Variants in DIMT1 observed in about 807,000 individuals in gnomAD.
The protein encoded by DIMT1 is DIM1 rRNA methyltransferase and ribosome maturation factor, also known as dimethyladenosine transferase.
Under a neutral mutation model 43.2 loss-of-function variants are expected in DIMT1, and 36 were observed. That is an observed-to-expected ratio of 0.83 (90% CI 0.64 to 1.10). DIMT1 has a LOEUF of 1.10. DIMT1 is among the 50% of genes least tolerant of loss of function. DIMT1 has a pLI of 0.00. For missense variants in DIMT1, 341 were observed against 385.3 expected (o/e 0.88, Z 0.96); for synonymous variants, 126 against 130.3 (o/e 0.97, Z 0.22).
chr5:62,399,333 A>T (rs1002596813), intron 3 of DIMT1, among the ~76,000 whole-genome samples: 1 of 152,082 alleles, frequency 6.6e-6, no homozygotes, highest in African/African-American at 2.4e-5. Flanking sequence ...GGGTACAGTG[A>T]TGGGCATCTG....
chr5:62,397,782 G>A (rs1561292014), intron 6 of DIMT1, among the ~76,000 whole-genome samples: 2 of 151,952 alleles, frequency 1.3e-5, no homozygotes, highest in Non-Finnish European at 2.9e-5. Flanking sequence ...CCGAGTGGCT[G>A]GGACTACAGG....
chr5:62,400,098 T>C (rs572151078), intron 3 of DIMT1, among the ~76,000 whole-genome samples: 3 of 152,294 alleles, frequency 2.0e-5, no homozygotes, highest in South Asian at 4.1e-4. Flanking sequence ...ACAATGCAAT[T>C]GCTCTTACTG....
At chr5:62,391,113 G>A in intron 10 of DIMT1, 131 bp from the exon 11 acceptor site, 1 of 654,644 alleles carries the variant, frequency 1.5e-6, no homozygotes, top group South Asian at 2.2e-5. Flanking sequence ...TGGAAAGCCT[G>A]ATTTTTACAT....
intron 11 of DIMT1, 33 bp downstream of exon 11, chr5:62,390,843 T>C (rs760056933): frequency 1.3e-6 from 2 of 1,563,996 alleles, no homozygotes; most frequent in Admixed American, 3.3e-5. Flanking sequence ...AGTAAAGAAA[T>C]GTAAACACTT....
intron 10 of DIMT1, chr5:62,391,850 A>C (rs1742315151): frequency 6.8e-7 from 1 of 1,474,234 alleles, no homozygotes; most frequent in African/African-American, 1.4e-5. Flanking sequence ...CAATTATTTT[A>C]AGTTGTGCAA....
chr5:62,391,042 CTTT>C, intron 10 of DIMT1, 60 bp from the exon 11 acceptor site: 5 of 1,410,156 alleles, frequency 3.5e-6, no homozygotes, highest in Non-Finnish European at 5.0e-6. Context: ...CACCTTGACT[CTTT>C]TTTTTAGTTC....
In DIMT1 at chr5:62,394,596, A is replaced by C. The variant is rs775912795; in HGVS notation, c.458T>G (p.Leu153Arg). Reference sequence around the variant, plus strand: ...GAGGGCAAATTCTCTTTGAAACATAAGTATAGCACACCTGAAAAGAAAGCA... The same window carrying C: ...GAGGGCAAATTCTCTTTGAAACATACGTATAGCACACCTGAAAAGAAAGCA... ...LHRPFFRCAILMFQREFALRL... is the reference protein window; with the variant it reads ...LHRPFFRCAIRMFQREFALRL... The change falls in exon 7 of 12, where the codon CTT (leucine) becomes CGT (arginine). Residue 153 changes from leucine (L) to arginine (R), a missense_variant. Physicochemically the swap from Leu to Arg is moderately radical, Grantham distance 102. Transcript: ENST00000199320. 5.6e-6 allele frequency: 9 copies of C among 1,614,202 alleles called. No homozygotes were observed. Among genetic ancestry groups the C allele is most frequent in the South Asian group, 2.2e-5 (2 of 91,080 alleles).
At chr5:62,399,296 G>A (rs1742612737) in intron 3 of DIMT1, among the ~76,000 whole-genome samples, 1 of 152,080 alleles carries the variant, frequency 6.6e-6, no homozygotes, top group Non-Finnish European at 1.5e-5. Flanking sequence ...GCGAAACCCC[G>A]TCTCTACTAA....
rs534703309 is a variant in DIMT1 at position 62,387,937 on chromosome 5, T to TA, written c.*1072dup. 2.6e-4 allele frequency: 40 copies of TA among 152,136 alleles called. No individual in the cohort carries two copies. Among genetic ancestry groups the TA allele is most frequent in the African/African-American group, 9.4e-4 (39 of 41,544 alleles). The allele number at this position is 152,136 out of a possible 1,614,324, so 9.4% of individuals were successfully genotyped here. ...AACACTCTTCTATTAAGTTAGGTAT[T>TA]AAAAAAAGCCAAATATCAATAAAGA... On this transcript the variant is annotated 3_prime_UTR_variant, in exon 12 of 12. Transcript: ENST00000199320.
chr5:62,394,670 T>C, intron 6 of DIMT1, 63 bp from the exon 7 acceptor site: 3 of 1,601,142 alleles, frequency 1.9e-6, no homozygotes, highest in Non-Finnish European at 2.6e-6. Context: ...GAATTTTAAC[T>C]GCAATGAATT....
intron 3 of DIMT1, among the ~76,000 whole-genome samples, chr5:62,401,394 C>T (rs1175733093): frequency 6.9e-6 from 1 of 145,730 alleles, no homozygotes; most frequent in African/African-American, 2.5e-5. Context: ...ACTGGGGAGG[C>T]TGAGGCAGGA....
chr5:62,393,025 A>C (rs944055136), intron 8 of DIMT1, 35 bp from the exon 9 acceptor site: 1 of 1,493,354 alleles, frequency 6.7e-7, no homozygotes, highest in African/African-American at 1.4e-5. Context: ...TTCAAATTAC[A>C]AACTTCTTGT....
chr5:62,403,079 A>G (rs1742764964), intron 2 of DIMT1, among the ~76,000 whole-genome samples, 194 bp downstream of exon 2: 1 of 152,258 alleles, frequency 6.6e-6, no homozygotes, highest in Non-Finnish European at 1.5e-5. Context: ...ATTGGGAACC[A>G]GGAGAAACTC....
At chr5:62,390,813 C>T in intron 11 of DIMT1, 63 bp downstream of exon 11, 3 of 1,373,298 alleles carry the variant, frequency 2.2e-6, no homozygotes, top group Non-Finnish European at 3.1e-6. Context: ...CCTTTAAAAT[C>T]TCCAATCTGA....
chr5:62,388,936 A>G lies in DIMT1; in HGVS notation c.*74T>C, dbSNP rs1435849039. 2 of 1,404,474 alleles carry G rather than the reference A, an allele frequency of 1.4e-6. No homozygotes were observed. Among genetic ancestry groups the G allele is most frequent in the Non-Finnish European group, 2.0e-6 (2 of 1,003,906 alleles). The allele number at this position is 1,404,474 out of a possible 1,614,324, so 87.0% of individuals were successfully genotyped here. A position where few individuals can be genotyped will look rare whatever the true frequency, so the allele number is the denominator to read the frequency against. ...AATAATGTCTCAGTAAAGCAAAAGCATTATCTTCTCAAATACAAAAAATAC... is the reference window on the plus strand; with the variant it reads ...AATAATGTCTCAGTAAAGCAAAAGCGTTATCTTCTCAAATACAAAAAATAC... On this transcript the variant is annotated 3_prime_UTR_variant, in exon 12 of 12. Transcript: ENST00000199320.
chr5:62,398,024 G>A (rs1305066852), intron 6 of DIMT1, among the ~76,000 whole-genome samples: 2 of 152,102 alleles, frequency 1.3e-5, no homozygotes, highest in Non-Finnish European at 2.9e-5. Context: ...TTGAATTTTA[G>A]CAGAGTTCAT....
At chr5:62,395,085 C>T (rs966299408) in intron 6 of DIMT1, among the ~76,000 whole-genome samples, 6 of 150,134 alleles carry the variant, frequency 4.0e-5, no homozygotes, top group African/African-American at 1.2e-4. Context: ...AGTGCAATGG[C>T]GCAATCTCGG....
chr5:62,396,907 C>A (rs1389754085), intron 6 of DIMT1, among the ~76,000 whole-genome samples: 3 of 152,174 alleles, frequency 2.0e-5, no homozygotes, highest in Non-Finnish European at 4.4e-5. Context: ...TATTTCATCT[C>A]CATTACAATT....
intron 6 of DIMT1, among the ~76,000 whole-genome samples, chr5:62,396,467 C>A (rs762588706): frequency 6.6e-6 from 1 of 152,040 alleles, no homozygotes; most frequent in Non-Finnish European, 1.5e-5. Context: ...CAGATCATAC[C>A]ACTGCTCTCC....
Sources: gnomAD v4.1 joint callset for allele counts (sites outside exome capture counted in the v4.1 genomes callset) on GRCh38, gnomAD v4.1.1 for gene constraint, MANE v1.5 for transcripts, NCBI Gene and HGNC (gene_info 2026-07-23, HGNC 2026-07-21) for gene names.